The following DOCK7 variants were observed in gnomAD, a reference collection of about 807,000 sequenced individuals.
DOCK7 encodes the protein dedicator of cytokinesis 7, also known as dedicator of cytokinesis protein 7.
A neutral mutation model predicts 271.0 loss-of-function variants in DOCK7; 138 were observed. The observed-to-expected ratio is 0.51, with a 90% confidence interval of 0.44 to 0.59. The LOEUF is 0.59. Among genes scored for constraint, DOCK7 ranks in the 20% least tolerant of loss-of-function variants. DOCK7 has a pLI of 0.00. For missense variants in DOCK7, 2,066 were observed against 2,592.4 expected (o/e 0.80, Z 4.41); for synonymous variants, 823 against 876.1 (o/e 0.94, Z 1.07).
rs1365669427 is a variant in DOCK7 at position 62,555,807 on chromosome 1, G to C, written c.2596+18C>G. 8 of 1,598,614 alleles carry C rather than the reference G, an allele frequency of 5.0e-6. No homozygotes were observed. Among genetic ancestry groups the C allele is most frequent in the Non-Finnish European group, 6.8e-6 (8 of 1,173,378 alleles). ...ATAATTTATGAAAGACAGCTTCATAGTAAAAAGAATAAAATACCTGGTGAT... is the reference window on the plus strand; with the variant it reads ...ATAATTTATGAAAGACAGCTTCATACTAAAAAGAATAAAATACCTGGTGAT... On this transcript the variant is annotated intron_variant, in intron 21 of 49. Transcript: ENST00000635253.
At chr1:62,510,142 G>C (rs555581464) in intron 34 of DOCK7, among the ~76,000 whole-genome samples, 2 of 152,320 alleles carry the variant, frequency 1.3e-5, no homozygotes, top group East Asian at 3.9e-4. Context: ...TATGGCAGTA[G>C]GATCAGTCAA....
rs1458322324 is a variant in DOCK7 at position 62,508,669 on chromosome 1, A to G, written c.4380-611T>C. ...TGGTAATCATTTCACAATTGTACAC[A>G]TATATTAAAAGATCATGTTATATTC... On this transcript the variant is annotated intron_variant, in intron 34 of 49. Coordinates refer to ENST00000635253, the MANE Select transcript of DOCK7 (RefSeq NM_001367561.1). 2.6e-5 allele frequency among the ~76,000 whole-genome samples: 4 copies of G among 152,338 alleles called. No homozygotes were observed. In the East Asian group the frequency reaches 7.7e-4, roughly 29 times the overall value.
At position 62,506,984 on chromosome 1, in the gene DOCK7, A is replaced by AT. The variant is rs71045844; in HGVS notation, c.4476+977_4476+978insA. Among the ~76,000 whole-genome samples, 7 of 151,236 alleles carry AT rather than the reference A, an allele frequency of 4.6e-5. No individual in the cohort carries two copies. In the East Asian group the frequency reaches 1.4e-3, roughly 30 times the overall value. ...AATAAATAAATAAATAAATAAATAA[A>AT]ATAGAGTAGAGTCAGGGTTTTGCCA... On this transcript the variant is annotated intron_variant, in intron 35 of 49. Coordinates refer to ENST00000635253, the MANE Select transcript of DOCK7 (RefSeq NM_001367561.1).
chr1:62,466,135 C>G (rs1406824546), intron 48 of DOCK7, among the ~76,000 whole-genome samples: 6 of 152,074 alleles, frequency 3.9e-5, no homozygotes, highest in Middle Eastern at 6.4e-3. Flanking sequence ...CAGACAAGCT[C>G]CCAGATGCCA....
At chr1:62,554,816 T>A (rs1040484149) in intron 21 of DOCK7, among the ~76,000 whole-genome samples, 2 of 152,214 alleles carry the variant, frequency 1.3e-5, no homozygotes, top group Non-Finnish European at 2.9e-5. Context: ...GGTATAATTT[T>A]AAAAATTAAC....
At chr1:62,532,644 G>C (rs533180010) in intron 29 of DOCK7, among the ~76,000 whole-genome samples, 3 of 152,196 alleles carry the variant, frequency 2.0e-5, no homozygotes, top group Admixed American at 2.0e-4. Context: ...CAATATGGCT[G>C]TAATTTAGGT....
intron 31 of DOCK7, among the ~76,000 whole-genome samples, chr1:62,514,840 AT>A (rs1644611995): frequency 6.6e-6 from 1 of 152,112 alleles, no homozygotes; most frequent in Non-Finnish European, 1.5e-5. Context: ...TAAAGCTAGG[AT>A]TTTAGTCTAG....
chr1:62,472,047 CT>C (rs1350263505), intron 48 of DOCK7, among the ~76,000 whole-genome samples: 1 of 151,916 alleles, frequency 6.6e-6, no homozygotes, highest in Non-Finnish European at 1.5e-5. Context: ...GCTATAACTC[CT>C]TTGTAAGGTT....
chr1:62,504,414 T>A (rs1557637407), intron 37 of DOCK7, among the ~76,000 whole-genome samples: 1 of 152,110 alleles, frequency 6.6e-6, no homozygotes, highest in African/African-American at 2.4e-5. Context: ...TCTGTATTAA[T>A]ATACATACAT....
intron 15 of DOCK7, chr1:62,584,662 A>C: frequency 2.2e-6 from 3 of 1,361,614 alleles, no homozygotes; most frequent in Non-Finnish European, 2.9e-6. Context: ...ATATGGATTG[A>C]GCATTAATTA....
chr1:62,647,849 CT>C, intron 6 of DOCK7, 73 bp from the exon 7 acceptor site: 1 of 1,106,972 alleles, frequency 9.0e-7, no homozygotes. Flanking sequence ...TCAGAACTTA[CT>C]TTACTAATCT....
In DOCK7 at chr1:62,457,769, C is replaced by T. The variant is rs1645389488; in HGVS notation, c.6213-64G>A. On this transcript the variant is annotated intron_variant, in intron 48 of 49. Transcript: ENST00000635253. ...CATAGTTTGTGGGTTTAATGCCATA[C>T]ACACGCAAAATACATATACATATAT... is the stretch of plus-strand genomic sequence containing the variant. The T allele has an allele frequency of 7.4e-6, 11 of 1,483,322 alleles. No individual in the cohort carries two copies. In the South Asian group the frequency reaches 1.3e-4, roughly 18 times the overall value. The allele number at this position is 1,483,322 out of a possible 1,614,324, so 91.9% of individuals were successfully genotyped here. A position where few individuals can be genotyped will look rare whatever the true frequency, so the allele number is the denominator to read the frequency against.
intron 43 of DOCK7, among the ~76,000 whole-genome samples, chr1:62,480,673 C>A (rs1646094555): frequency 6.6e-6 from 1 of 152,116 alleles, no homozygotes; most frequent in Non-Finnish European, 1.5e-5. Context: ...ACTTATTGAG[C>A]CCTTACTATG....
In DOCK7 at chr1:62,639,426, C is replaced by CTTTT. The variant is rs386367151; in HGVS notation, c.819-2827_819-2824dup. Among the ~76,000 whole-genome samples, 254 of 75,860 alleles carry CTTTT rather than the reference C, an allele frequency of 3.3e-3. 37 individuals carry two copies. The highest frequency in any genetic ancestry group is 6.9e-3 in the East Asian group (19 of 2,744). 49.8% of individuals were successfully genotyped at this position (75,860 alleles called of 152,430 possible). On this transcript the variant is annotated intron_variant, in intron 7 of 49. Transcript: ENST00000635253. ...AACTTAGTGCAAACTTTGTAATACTCTTTTTTTTTTTTTTTTTTTTTTTTT... is the reference window on the plus strand; with the variant it reads ...AACTTAGTGCAAACTTTGTAATACTCTTTTTTTTTTTTTTTTTTTTTTTTTTTTT...
chr1:62,600,533 A>T (rs1394852226), intron 14 of DOCK7, among the ~76,000 whole-genome samples: 1 of 151,858 alleles, frequency 6.6e-6, no homozygotes. Flanking sequence ...TTAAATAAAA[A>T]TAAAATGTTA....
chr1:62,618,603 A>G, intron 14 of DOCK7, 103 bp downstream of exon 14: 2 of 1,065,286 alleles, frequency 1.9e-6, no homozygotes, highest in Non-Finnish European at 1.4e-6. Flanking sequence ...GAGTTAAGTA[A>G]CAAAACTACT....
At position 62,528,296 on chromosome 1, in the gene DOCK7, T is replaced by C. The variant is rs1645074797; in HGVS notation, c.3791A>G (p.Asn1264Ser). ...PQLYDFTETHNQRGRPICIAT... is the reference protein window; with the variant it reads ...PQLYDFTETHSQRGRPICIAT... ...TATACAAATTGGTCTTCCTCGTTGATTGTGAGTTTCTAAAGAAAAATAATC... is the reference window on the plus strand; with the variant it reads ...TATACAAATTGGTCTTCCTCGTTGACTGTGAGTTTCTAAAGAAAAATAATC... Residue 1264 changes from asparagine to serine, a missense_variant, in exon 31 of 50, where the codon AAT (asparagine) becomes AGT (serine). Physicochemically the swap from Asn to Ser is conservative, Grantham distance 46. This residue lies in a region of DOCK7 where 1,414 missense variants were observed against 1,670.4 expected (regional missense o/e 0.85). Coordinates refer to ENST00000635253, the MANE Select transcript of DOCK7 (RefSeq NM_001367561.1). 1.9e-6 allele frequency: 3 copies of C among 1,609,072 alleles called. No individual in the cohort carries two copies. Among genetic ancestry groups the C allele is most frequent in the Non-Finnish European group, 2.5e-6 (3 of 1,177,982 alleles).
At chr1:62,513,631 A>G (rs1644567429) in intron 32 of DOCK7, 25 bp from the exon 33 acceptor site, 1 of 1,605,178 alleles carries the variant, frequency 6.2e-7, no homozygotes, top group South Asian at 1.1e-5. Flanking sequence ...TTAGAAGAGA[A>G]GAGGTATTGA....
At chr1:62,498,672 A>C (rs1646692518) in intron 37 of DOCK7, among the ~76,000 whole-genome samples, 1 of 151,602 alleles carries the variant, frequency 6.6e-6, no homozygotes, top group African/African-American at 2.4e-5. Flanking sequence ...CCTTTTATCT[A>C]TGTCTGCCCA....
Sources: gnomAD v4.1 joint callset for allele counts (sites outside exome capture counted in the v4.1 genomes callset) on GRCh38, gnomAD v4.1.1 for gene constraint, gnomAD v4.1.1 regional missense constraint, MANE v1.5 for transcripts, NCBI Gene and HGNC (gene_info 2026-07-23, HGNC 2026-07-21) for gene names.